The following FHIT variants were observed in gnomAD, a reference collection of about 807,000 sequenced individuals.
FHIT encodes the protein bis(5'-adenosyl)-triphosphatase.
In FHIT, 19 loss-of-function variants were observed where a neutral mutation model predicts 17.9. The observed-to-expected ratio is 1.06, with a 90% CI of 0.74 to 1.56. The LOEUF (loss-of-function observed/expected upper bound fraction) is 1.56. Among genes scored for constraint, FHIT ranks in the 40% most tolerant of loss-of-function variants. The pLI is 0.00. For synonymous variants in FHIT, 81 were observed against 69.7 expected, an observed-to-expected ratio of 1.16 and a Z score of -0.81; for missense variants, 248 against 189.2, an observed-to-expected ratio of 1.31 and a Z score of -1.82.
At chr3:60,059,925 G>A (rs917745457) in intron 5 of FHIT, among the ~76,000 whole-genome samples, 1 of 152,182 alleles carries the variant, frequency 6.6e-6, no homozygotes, top group Non-Finnish European at 1.5e-5. Flanking sequence ...ATCACATCAT[G>A]TGTCATCCAT....
chr3:60,854,799 G>C (rs1018363768), intron 3 of FHIT, among the ~76,000 whole-genome samples: 11 of 152,168 alleles, frequency 7.2e-5, no homozygotes, highest in African/African-American at 1.2e-4. Flanking sequence ...CTAACTGTAA[G>C]AGAGTGTGGG....
At position 60,030,105 on chromosome 3, in the gene FHIT, G is replaced by A. The variant is rs184694234; in HGVS notation, c.104-15953C>T. On this transcript the variant is annotated intron_variant, in intron 5 of 9. Coordinates refer to ENST00000492590, the MANE Select transcript of FHIT (RefSeq NM_002012.4). The stretch of plus-strand genomic sequence containing the variant: ...CAACTTTTATATTATCAAACCTCCT[G>A]AACTCTGAATGCATCATTAAACCTG... Among the ~76,000 whole-genome samples the A allele has an allele frequency of 1.7e-3, 251 of 152,102 alleles. 3 individuals are homozygous for A. The highest frequency in any genetic ancestry group is 0.01 in the Middle Eastern group (3 of 294).
intron 8 of FHIT, among the ~76,000 whole-genome samples, chr3:59,910,787 T>A (rs2107137294): frequency 6.6e-6 from 1 of 152,330 alleles, no homozygotes; most frequent in Non-Finnish European, 1.5e-5. Context: ...AATAGGTTGC[T>A]GTTATCTTTT....
Position 60,790,162 on chromosome 3 carries a change from T to C in FHIT, c.-18+31757A>G, listed in dbSNP as rs116214214. ...TCTTGAAAACTGCTGTCTTGTTGGT[T>C]TATTAATATTTTGTATTCATTGTCA... On this transcript the variant is annotated intron_variant, in intron 4 of 9. Coordinates refer to ENST00000492590, the MANE Select transcript of FHIT (RefSeq NM_002012.4). Among the ~76,000 whole-genome samples the C allele has an allele frequency of 8.4e-4, 128 of 152,330 alleles. 1 individual carries two copies. Among genetic ancestry groups the C allele is most frequent in the Middle Eastern group, 6.8e-3 (2 of 292 alleles).
At chr3:61,232,141 T>C (rs2040121342) in intron 1 of FHIT, among the ~76,000 whole-genome samples, 1 of 152,170 alleles carries the variant, frequency 6.6e-6, no homozygotes, top group African/African-American at 2.4e-5. Flanking sequence ...CCCAGCACTT[T>C]GAGAAGCCAA....
At chr3:60,530,515 G>A (rs1027919555) in intron 5 of FHIT, among the ~76,000 whole-genome samples, 3 of 152,136 alleles carry the variant, frequency 2.0e-5, no homozygotes, top group African/African-American at 4.8e-5. Context: ...TGTCAGTCTC[G>A]GCTCCAGAAA....
intron 7 of FHIT, among the ~76,000 whole-genome samples, chr3:59,949,020 T>A (rs1200918590): frequency 2.0e-5 from 3 of 152,070 alleles, no homozygotes. Context: ...CAATAGTTGG[T>A]TTTTCAACCC....
chr3:60,585,293 T>C (rs2037871360), intron 4 of FHIT, among the ~76,000 whole-genome samples: 1 of 152,000 alleles, frequency 6.6e-6, no homozygotes, highest in African/African-American at 2.4e-5. Flanking sequence ...TAATCAGAGA[T>C]ACGTAGATTC....
intron 3 of FHIT, among the ~76,000 whole-genome samples, chr3:60,883,028 A>C (rs1705046633): frequency 6.6e-6 from 1 of 152,194 alleles, no homozygotes; most frequent in Admixed American, 6.5e-5. Context: ...TGCAGGATAC[A>C]AATTAACATA....
intron 4 of FHIT, among the ~76,000 whole-genome samples, chr3:60,656,647 G>A (rs2040122895): frequency 1.3e-5 from 2 of 152,072 alleles, no homozygotes; most frequent in African/African-American, 4.8e-5. Flanking sequence ...AGGTCCCATT[G>A]GCCCAAGCTC....
At chr3:60,918,645 T>A (rs1553767606) in intron 3 of FHIT, among the ~76,000 whole-genome samples, 1 of 151,952 alleles carries the variant, frequency 6.6e-6, no homozygotes, top group Non-Finnish European at 1.5e-5. Flanking sequence ...AAGAAGGCAT[T>A]TGGGGTGAGA....
intron 1 of FHIT, among the ~76,000 whole-genome samples, chr3:61,220,741 C>G (rs1244632584): frequency 2.0e-5 from 3 of 152,180 alleles, no homozygotes; most frequent in Non-Finnish European, 4.4e-5. Context: ...TAAGTTTTCA[C>G]TATTACTAGG....
chr3:60,576,679 T>C (rs2037576587), intron 4 of FHIT, among the ~76,000 whole-genome samples: 1 of 152,132 alleles, frequency 6.6e-6, no homozygotes, highest in African/African-American at 2.4e-5. Context: ...AAGATGTTAT[T>C]ATTTCCAAGC....
chr3:60,660,499 A>T (rs2040214628), intron 4 of FHIT, among the ~76,000 whole-genome samples: 1 of 152,076 alleles, frequency 6.6e-6, no homozygotes, highest in African/African-American at 2.4e-5. Context: ...AAAAGCCTTC[A>T]ATAGACTCTA....
intron 8 of FHIT, among the ~76,000 whole-genome samples, chr3:59,863,997 C>A (rs962213950): frequency 3.9e-5 from 6 of 152,152 alleles, no homozygotes; most frequent in African/African-American, 1.4e-4. Context: ...CAGATATGAT[C>A]CCATTCTAGG....
intron 5 of FHIT, among the ~76,000 whole-genome samples, chr3:60,524,941 A>G (rs1322220804): frequency 2.0e-5 from 3 of 152,178 alleles, no homozygotes; most frequent in South Asian, 4.1e-4. Flanking sequence ...ATCTCTTTTG[A>G]GGGATCCCCA....
At chr3:60,817,684 T>C (rs1028955341) in intron 4 of FHIT, among the ~76,000 whole-genome samples, 1 of 152,118 alleles carries the variant, frequency 6.6e-6, no homozygotes, top group African/African-American at 2.4e-5. Context: ...TTATTGTTGG[T>C]CCTCACCAGT....
At chr3:60,052,445 T>C (rs1701919935) in intron 5 of FHIT, among the ~76,000 whole-genome samples, 1 of 152,190 alleles carries the variant, frequency 6.6e-6, no homozygotes, top group Non-Finnish European at 1.5e-5. Context: ...GCCCGATTAG[T>C]TGACTGCTCT....
chr3:60,506,113 T>G (rs912315586), intron 5 of FHIT, among the ~76,000 whole-genome samples: 1 of 152,180 alleles, frequency 6.6e-6, no homozygotes, highest in African/African-American at 2.4e-5. Flanking sequence ...AATAGTCTTT[T>G]CCCATGATTT....
Sources: gnomAD v4.1 joint callset for allele counts (sites outside exome capture counted in the v4.1 genomes callset) on GRCh38, gnomAD v4.1.1 for gene constraint, MANE v1.5 for transcripts, NCBI Gene and HGNC (gene_info 2026-07-23, HGNC 2026-07-21) for gene names.